Variants in ADAMTSL4 observed in about 807,000 individuals in gnomAD.
The protein encoded by ADAMTSL4 is ADAMTS like 4, also known as ADAMTS-like protein 4.
Under a neutral mutation model 122.8 loss-of-function variants are expected in ADAMTSL4, and 97 were observed. The observed-to-expected ratio is 0.79, with a 90% CI of 0.67 to 0.93. The LOEUF is 0.93. Among genes scored for constraint, ADAMTSL4 ranks in the 40% least tolerant of loss-of-function variants. The pLI is 0.00. For synonymous variants in ADAMTSL4, 592 were observed against 568.0 expected (o/e 1.04, Z -0.60); for missense variants, 1,408 against 1,453.5 (o/e 0.97, Z 0.51).
At position 150,556,162 on chromosome 1, in the gene ADAMTSL4, A is replaced by G; in HGVS notation, c.1372A>G (p.Ser458Gly). The change falls in exon 9 of 19, where the codon AGC becomes GGC. Residue 458 changes from serine (S) to glycine (G), a missense_variant and splice_region_variant. Coordinates refer to ENST00000271643, the MANE Select transcript of ADAMTSL4 (RefSeq NM_019032.6). The surrounding 1 kb of genome is among the most constrained non-coding windows in gnomAD (Gnocchi z 4.1). ...PDICVAGRCL[S>G]PGCDGILGSG... ...CACTGCCTCACCTCACTCTCTCCAG[A>G]GCCCCGGCTGTGATGGGATCCTTGG... The G allele has an allele frequency of 6.2e-7, 1 of 1,613,904 alleles. No homozygotes were observed.
At chr1:150,558,761 G>A in intron 15 of ADAMTSL4, 112 bp downstream of exon 15, 3 of 1,581,626 alleles carry the variant, frequency 1.9e-6, no homozygotes, top group South Asian at 1.1e-5. Flanking sequence ...CCTGCTATAT[G>A]CCTGACCCTG....
chr1:150,554,223 G>C lies in ADAMTSL4; in HGVS notation c.1131+101G>C. On this transcript the variant is annotated intron_variant, in intron 6 of 18. Transcript: ENST00000271643. The surrounding 1 kb of genome is among the most constrained non-coding windows in gnomAD (Gnocchi z 4.0). Reference sequence around the variant, plus strand: ...TTCCGCTTGGCACCTGAGGGAGAAGGGCCTTGGCATCTGACCACCTCAGGG... The same window carrying C: ...TTCCGCTTGGCACCTGAGGGAGAAGCGCCTTGGCATCTGACCACCTCAGGG... 1.3e-6 allele frequency: 2 copies of C among 1,485,076 alleles called. No individual in the cohort carries two copies. Among genetic ancestry groups the C allele is most frequent in the Non-Finnish European group, 1.9e-6 (2 of 1,078,948 alleles). The allele number at this position is 1,485,076 out of a possible 1,614,324, so 92.0% of individuals were successfully genotyped here. A position where few individuals can be genotyped will look rare whatever the true frequency, so the allele number is the denominator to read the frequency against.
In ADAMTSL4 at chr1:150,558,126, G is replaced by T; in HGVS notation, c.2359G>T (p.Glu787Ter). 1 of 1,613,462 alleles carries T rather than the reference G, an allele frequency of 6.2e-7. No individual in the cohort carries two copies. The highest frequency in any genetic ancestry group is 8.5e-7 in the Non-Finnish European group (1 of 1,180,044). Residue 787 changes from glutamate to a stop codon, truncating the protein, a stop_gained, in exon 14 of 19, where the codon GAA becomes TAA. Transcript: ENST00000271643. LOFTEE classifies it high-confidence loss of function. The stretch of plus-strand genomic sequence containing the variant: ...CCAGCTGCGCCTCTGTGGCCATTGG[G>T]AAGTTGGCTCTCCTTGGAGCCAGGT... ...SCQLRLCGHW[E>*]VGSPWSQCSV...
At position 150,552,855 on chromosome 1, in the gene ADAMTSL4, C is replaced by T; in HGVS notation, c.79-43C>T. ...TCTACATGGACACTCTGGACAGTTC[C>T]CTCTAATCCTTCCAATTCTGTCTGA... On this transcript the variant is annotated intron_variant, in intron 4 of 18. Coordinates refer to ENST00000271643, the MANE Select transcript of ADAMTSL4 (RefSeq NM_019032.6). The surrounding 1 kb of genome is among the most constrained non-coding windows in gnomAD (Gnocchi z 4.0). 1 of 1,587,318 alleles carries T rather than the reference C, an allele frequency of 6.3e-7. No homozygotes were observed. The highest frequency in any genetic ancestry group is 8.6e-7 in the Non-Finnish European group (1 of 1,161,924).
Position 150,552,084 on chromosome 1 carries a change from C to A in ADAMTSL4, c.-84-121C>A. ...AAGGCAGTGATCCTCCCTGCTCCCA[C>A]CCTGAGGATCCTAAAGGGATGGACC... On this transcript the variant is annotated intron_variant, in intron 2 of 18. Transcript: ENST00000271643. This position sits in a 1 kb window ranked among gnomAD's most constrained non-coding sequence, Gnocchi z 4.0. The A allele has an allele frequency of 1.6e-6, 1 of 615,284 alleles. No homozygotes were observed. Among genetic ancestry groups the A allele is most frequent in the Non-Finnish European group, 2.9e-6 (1 of 342,026 alleles). The allele number at this position is 615,284 out of a possible 1,614,324, so 38.1% of individuals were successfully genotyped here.
Position 150,553,470 on chromosome 1 carries a change from G to A in ADAMTSL4, c.479G>A (p.Gly160Glu). Residue 160 changes from glycine to glutamate, a missense_variant, in exon 6 of 19, where the codon GGG (glycine) becomes GAG (glutamate). Gly to Glu is a moderately conservative substitution (Grantham distance 98, BLOSUM62 -2). Coordinates refer to ENST00000271643, the MANE Select transcript of ADAMTSL4 (RefSeq NM_019032.6). ...ATCAAGCCAGGAATGTTCGGTTATG[G>A]GAGAGTGCCCTTTGCATTGCCACTG... ...DPIKPGMFGY[G>E]RVPFALPLHR... 1 of 1,613,792 alleles carries A rather than the reference G, an allele frequency of 6.2e-7. No individual in the cohort carries two copies.
chr1:150,559,025 G>A lies in ADAMTSL4; in HGVS notation c.2623G>A (p.Ala875Thr). 6.2e-7 allele frequency: 1 copy of A among 1,611,958 alleles called. No homozygotes were observed. The highest frequency in any genetic ancestry group is 8.5e-7 in the Non-Finnish European group (1 of 1,179,804). The change falls in exon 16 of 19, where the codon GCC becomes ACC. Residue 875 changes from alanine (A) to threonine (T), a missense_variant. Physicochemically the swap from Ala to Thr is moderately conservative, Grantham distance 58. Coordinates refer to ENST00000271643, the MANE Select transcript of ADAMTSL4 (RefSeq NM_019032.6). The surrounding 1 kb of genome is among the most constrained non-coding windows in gnomAD (Gnocchi z 4.1). ...RSVVCLGSGA[A>T]LGPGQGEAGA... ...TGTGGTCTGCCTTGGGAGTGGGGCAGCCCTCGGGCCAGGCCAGGGGGAAGC... is the reference window on the plus strand; with the variant it reads ...TGTGGTCTGCCTTGGGAGTGGGGCAACCCTCGGGCCAGGCCAGGGGGAAGC...
At position 150,558,945 on chromosome 1, in the gene ADAMTSL4, G is replaced by T; in HGVS notation, c.2560-17G>T. 6.3e-7 allele frequency: 1 copy of T among 1,593,070 alleles called. No homozygotes were observed. Among genetic ancestry groups the T allele is most frequent in the Non-Finnish European group, 8.5e-7 (1 of 1,172,530 alleles). Reference sequence around the variant, plus strand: ...CACCAGCAGGCCCCTCACACAGGCCGCTCTCCTCCTCCGCAGTGCTCAGCC... The same window carrying T: ...CACCAGCAGGCCCCTCACACAGGCCTCTCTCCTCCTCCGCAGTGCTCAGCC... On this transcript the variant is annotated splice_polypyrimidine_tract_variant and intron_variant, in intron 15 of 18. Transcript: ENST00000271643.
In ADAMTSL4 at chr1:150,553,730, G is replaced by GCC; in HGVS notation, c.744_745dup (p.Leu249ProfsTer22). ...AGAGGTGGCCCCCAGAACCAGGCCT[G>GCC]CCCCCCTACGGCATCACCCCAGAGC... On this transcript the variant is annotated frameshift_variant, in exon 6 of 19. Transcript: ENST00000271643. LOFTEE classifies it high-confidence loss of function. 6.2e-7 allele frequency: 1 copy of GCC among 1,612,490 alleles called. No individual in the cohort carries two copies. The highest frequency in any genetic ancestry group is 8.5e-7 in the Non-Finnish European group (1 of 1,179,516).
rs1671943051 is a variant in ADAMTSL4, at chr1:150,555,553, T to C, written c.1359T>C (p.Ala453=). The C allele has an allele frequency of 1.9e-6, 3 of 1,614,010 alleles. No homozygotes were observed. The highest frequency in any genetic ancestry group is 2.5e-6 in the Non-Finnish European group (3 of 1,180,044). Residue 453 remains alanine (A), a synonymous_variant, in exon 8 of 19, where the codon GCT becomes GCC. Coordinates refer to ENST00000271643, the MANE Select transcript of ADAMTSL4 (RefSeq NM_019032.6). The part of the protein sequence containing the change: ...CQPGAPDICV[A]GRCLSPGCDG... ...CTGGAGCCCCTGACATCTGTGTGGC[T>C]GGACGCTGTCTGGTGAGGGAAGACA... is the stretch of plus-strand genomic sequence containing the variant.
In ADAMTSL4 at chr1:150,553,768, C is replaced by T; in HGVS notation, c.777C>T (p.Gly259=). 6.2e-7 allele frequency: 1 copy of T among 1,608,176 alleles called. No homozygotes were observed. Among genetic ancestry groups the T allele is most frequent in the Non-Finnish European group, 8.5e-7 (1 of 1,174,538 alleles). ...LRHHPRAQAS[G]TEPPSPTHSL... is the part of the protein sequence containing the mutation. ...ATCACCCCAGAGCCCAGGCCTCTGG[C>T]ACAGAGCCCCCCTCACCCACGCACT... Residue 259 remains glycine, a synonymous_variant, in exon 6 of 19, where the codon GGC becomes GGT. Transcript: ENST00000271643.
Position 150,552,323 on chromosome 1 carries a change from C to T in ADAMTSL4, c.20+15C>T, listed in dbSNP as rs369699622. On this transcript the variant is annotated intron_variant, in intron 3 of 18. Transcript: ENST00000271643. The surrounding 1 kb of genome is among the most constrained non-coding windows in gnomAD (Gnocchi z 4.0). The stretch of plus-strand genomic sequence containing the variant: ...TGGACTGGCAGGTGAGAGAAGGGGC[C>T]ACGGGTTGGGGGGGAGGAAAAGGGG... 64 of 1,555,240 alleles carry T rather than the reference C, an allele frequency of 4.1e-5. No homozygotes were observed. Among genetic ancestry groups the T allele is most frequent in the Non-Finnish European group, 5.4e-5 (62 of 1,148,564 alleles).
rs1671560312 is a variant in ADAMTSL4 at position 150,552,823 on chromosome 1, G to C, written c.79-75G>C. ...ACTGGTAGCGACTCCGTGAGCCTCA[G>C]TGTTGGTCTACATGGACACTCTGGA... On this transcript the variant is annotated intron_variant, in intron 4 of 18. Transcript: ENST00000271643. This position sits in a 1 kb window ranked among gnomAD's most constrained non-coding sequence, Gnocchi z 4.0. 3 of 1,485,082 alleles carry C rather than the reference G, an allele frequency of 2.0e-6. No homozygotes were observed. Among genetic ancestry groups the C allele is most frequent in the Non-Finnish European group, 2.8e-6 (3 of 1,071,374 alleles). 92.0% of individuals were successfully genotyped at this position (1,485,082 alleles called of 1,614,324 possible). A position where few individuals can be genotyped will look rare whatever the true frequency, so the allele number is the denominator to read the frequency against.
intron 8 of ADAMTSL4, 148 bp downstream of exon 8, chr1:150,555,713 A>G: frequency 9.1e-7 from 1 of 1,096,254 alleles, no homozygotes; most frequent in Non-Finnish European, 1.3e-6. Flanking sequence ...AGACACATGC[A>G]CACACGCACA....
At chr1:150,550,606 T>G (rs1276441939) in intron 2 of ADAMTSL4, 1 of 387,456 alleles carries the variant, frequency 2.6e-6, no homozygotes, top group South Asian at 1.8e-5. Context: ...CCATTTCTTC[T>G]TCCCTCAGCT....
Position 150,560,453 on chromosome 1 carries a change from G to C in ADAMTSL4, c.*257G>C. ...CATGGATATGTGTGTGCTCAAACGTGTATCACTTTTCAAAAAGAGGTTACA... is the reference window on the plus strand; with the variant it reads ...CATGGATATGTGTGTGCTCAAACGTCTATCACTTTTCAAAAAGAGGTTACA... On this transcript the variant is annotated 3_prime_UTR_variant, in exon 19 of 19. Transcript: ENST00000271643. 3.5e-6 allele frequency: 2 copies of C among 570,590 alleles called. No individual in the cohort carries two copies. The highest frequency in any genetic ancestry group is 6.2e-6 in the Non-Finnish European group (2 of 320,802). The allele number at this position is 570,590 out of a possible 1,614,324, so 35.3% of individuals were successfully genotyped here. A position where few individuals can be genotyped will look rare whatever the true frequency, so the allele number is the denominator to read the frequency against.
At position 150,556,717 on chromosome 1, in the gene ADAMTSL4, A is replaced by C. The variant is rs1395031788; in HGVS notation, c.1673A>C (p.Asn558Thr). The change falls in exon 10 of 19, where the codon AAC becomes ACC. Residue 558 changes from asparagine (N) to threonine (T), a missense_variant. Asn to Thr is a moderately conservative substitution (Grantham distance 65). Coordinates refer to ENST00000271643, the MANE Select transcript of ADAMTSL4 (RefSeq NM_019032.6). The surrounding 1 kb of genome is among the most constrained non-coding windows in gnomAD (Gnocchi z 4.1). ...YRAGGTVFRY[N>T]RPPREEGKGE... ...GCCGGCGGGACCGTCTTTCGATATA[A>C]CCGTCCTCCCAGGGAGGAGGGCAAA... 10 of 1,613,846 alleles carry C rather than the reference A, an allele frequency of 6.2e-6. No homozygotes were observed. Among genetic ancestry groups the C allele is most frequent in the Non-Finnish European group, 7.6e-6 (9 of 1,179,930 alleles).
rs1671757445 is a variant in ADAMTSL4, at chr1:150,554,186, T to G, written c.1131+64T>G. 3.2e-6 allele frequency: 5 copies of G among 1,571,718 alleles called. No individual in the cohort carries two copies. Among genetic ancestry groups the G allele is most frequent in the Non-Finnish European group, 1.7e-6 (2 of 1,157,614 alleles). On this transcript the variant is annotated intron_variant, in intron 6 of 18. Coordinates refer to ENST00000271643, the MANE Select transcript of ADAMTSL4 (RefSeq NM_019032.6). The surrounding 1 kb of genome is among the most constrained non-coding windows in gnomAD (Gnocchi z 4.0). Reference sequence around the variant, plus strand: ...CAGTGTGGCTTCCCTGCCCTGAAGCTGGGTCTTCAGCTTCCGCTTGGCACC... The same window carrying G: ...CAGTGTGGCTTCCCTGCCCTGAAGCGGGGTCTTCAGCTTCCGCTTGGCACC...
At chr1:150,553,327 TG>T in intron 5 of ADAMTSL4, 74 bp downstream of exon 5, 7 of 1,604,932 alleles carry the variant, frequency 4.4e-6, no homozygotes, top group Non-Finnish European at 6.0e-6. Flanking sequence ...GGAGCACGGG[TG>T]GCTTCAGAGG....
Sources: gnomAD v4.1 joint callset for allele counts on GRCh38, gnomAD v4.1.1 for gene constraint, Gnocchi (gnomAD v3.1) non-coding constraint, MANE v1.5 for transcripts, NCBI Gene and HGNC (gene_info 2026-07-23, HGNC 2026-07-21) for gene names.